The following HOGA1 variants were observed in gnomAD, a reference collection of about 807,000 sequenced individuals.
The protein encoded by HOGA1 is 4-hydroxy-2-oxoglutarate aldolase, mitochondrial.
Under a neutral mutation model 34.3 loss-of-function variants are expected in HOGA1, and 30 were observed. The ratio of observed to expected loss-of-function variants is 0.87; its 90% CI spans 0.65 to 1.19. The LOEUF (loss-of-function observed/expected upper bound fraction) is 1.19, where lower values mean the gene tolerates loss of function less well. Among genes scored for constraint, HOGA1 ranks in the 50% most tolerant of loss-of-function variants. The pLI is 0.00. For missense variants in HOGA1, 417 were observed against 436.5 expected, an observed-to-expected ratio of 0.96 and a Z score of 0.40; for synonymous variants, 161 against 174.0, an observed-to-expected ratio of 0.93 and a Z score of 0.59.
intron 6 of HOGA1, among the ~76,000 whole-genome samples, chr10:97,609,999 C>T (rs962921155): frequency 6.6e-6 from 1 of 152,186 alleles, no homozygotes; most frequent in African/African-American, 2.4e-5. Flanking sequence ...TTATTTTTAT[C>T]CTCCTAAGGT....
intron 5 of HOGA1, 82 bp from the exon 6 acceptor site, chr10:97,601,775 G>T: frequency 1.3e-6 from 2 of 1,531,310 alleles, no homozygotes; most frequent in Non-Finnish European, 9.0e-7. Context: ...ATGTCCCCAG[G>T]CTGAAGAGGT....
At chr10:97,585,302 C>T (rs1178587040) in intron 1 of HOGA1, among the ~76,000 whole-genome samples, 1 of 152,152 alleles carries the variant, frequency 6.6e-6, no homozygotes, top group Admixed American at 6.5e-5. Context: ...TCCCAGTTCC[C>T]TCCAAAGTTT....
intron 1 of HOGA1, chr10:97,590,044 C>G (rs377684189): frequency 6.2e-7 from 1 of 1,614,150 alleles, no homozygotes; most frequent in Admixed American, 1.7e-5. Flanking sequence ...AGCTGGCCCT[C>G]GACAACAATG....
chr10:97,604,366 G>A (rs1288408745), intron 6 of HOGA1, among the ~76,000 whole-genome samples: 2 of 152,094 alleles, frequency 1.3e-5, no homozygotes, highest in African/African-American at 4.8e-5. Context: ...CCCTGTCACC[G>A]GGGATGAGTG....
intron 6 of HOGA1, among the ~76,000 whole-genome samples, chr10:97,611,052 G>C (rs4919120): frequency 0.7 from 106,235 of 152,040 alleles, 37,573 homozygotes; most frequent in African/African-American, 0.8. Flanking sequence ...AGGGCAGCCA[G>C]ATGCAAGGGG....
intron 1 of HOGA1, chr10:97,590,183 A>C (rs772854255): frequency 2.5e-6 from 4 of 1,613,958 alleles, no homozygotes; most frequent in Non-Finnish European, 3.4e-6. Flanking sequence ...ATCCTTCACC[A>C]GCAGGCAGAA....
chr10:97,604,590 G>A (rs1276147117), intron 6 of HOGA1, among the ~76,000 whole-genome samples: 1 of 151,898 alleles, frequency 6.6e-6, no homozygotes, highest in Non-Finnish European at 1.5e-5. Context: ...CAAAGTGCTG[G>A]GATTACAGGC....
intron 1 of HOGA1, among the ~76,000 whole-genome samples, chr10:97,598,510 T>G (rs1249646660): frequency 1.3e-5 from 2 of 152,188 alleles, no homozygotes; most frequent in African/African-American, 4.8e-5. Flanking sequence ...ATAACCTTAT[T>G]ACATAAGGAT....
chr10:97,592,537 G>C (rs183326297), intron 1 of HOGA1, among the ~76,000 whole-genome samples: 1 of 151,296 alleles, frequency 6.6e-6, no homozygotes, highest in East Asian at 2.0e-4. Context: ...ACCGTGCCCA[G>C]CCAGAAAATC....
At chr10:97,585,818 T>C (rs748063932) in intron 1 of HOGA1, among the ~76,000 whole-genome samples, 6 of 152,232 alleles carry the variant, frequency 3.9e-5, no homozygotes, top group African/African-American at 7.2e-5. Flanking sequence ...GTGGCTGCTA[T>C]TGAGGCAGTA....
intron 6 of HOGA1, among the ~76,000 whole-genome samples, chr10:97,606,229 G>C (rs1476233496): frequency 6.6e-6 from 1 of 151,516 alleles, no homozygotes; most frequent in Non-Finnish European, 1.5e-5. Context: ...TGAACTCGGA[G>C]GGCAGAGGTT....
intron 6 of HOGA1, among the ~76,000 whole-genome samples, chr10:97,606,863 C>T (rs567404256): frequency 6.6e-6 from 1 of 152,258 alleles, no homozygotes; most frequent in Non-Finnish European, 1.5e-5. Context: ...ACTATATTGT[C>T]CTCCAGTCCT....
At position 97,601,856 on chromosome 10, in the gene HOGA1, G is replaced by A; in HGVS notation, c.701-1G>A. Reference sequence around the variant, plus strand: ...GATGTTCTGCGTCTTACTTCGTGCAGGAGCTGTGGGGGGCGTCTGCGCCCT... The same window carrying A: ...GATGTTCTGCGTCTTACTTCGTGCAAGAGCTGTGGGGGGCGTCTGCGCCCT... On this transcript the variant is annotated splice_acceptor_variant, in intron 5 of 6. Transcript: ENST00000370646. LOFTEE classifies it high-confidence loss of function. 1 of 1,612,210 alleles carries A rather than the reference G, an allele frequency of 6.2e-7. No individual in the cohort carries two copies.
intron 6 of HOGA1, among the ~76,000 whole-genome samples, chr10:97,606,284 G>A (rs1307432146): frequency 6.6e-6 from 1 of 151,570 alleles, no homozygotes; most frequent in Non-Finnish European, 1.5e-5. Context: ...CTGGGAGACA[G>A]TGAGACTCCA....
chr10:97,599,452 A>G, intron 3 of HOGA1: 2 of 723,948 alleles, frequency 2.8e-6, no homozygotes, highest in Non-Finnish European at 4.7e-6. Flanking sequence ...TGAGCATTAA[A>G]TGAGATCAGG....
chr10:97,592,645 C>A (rs943776052), intron 1 of HOGA1, among the ~76,000 whole-genome samples: 14 of 151,972 alleles, frequency 9.2e-5, no homozygotes, highest in African/African-American at 3.4e-4. Context: ...GAGTGTGTGT[C>A]AAAGTTTGAT....
At chr10:97,601,211 C>T (rs1206717779) in intron 5 of HOGA1, among the ~76,000 whole-genome samples, 1 of 152,128 alleles carries the variant, frequency 6.6e-6, no homozygotes, top group East Asian at 1.9e-4. Context: ...GGCCACTGTG[C>T]CTAGGGTTCC....
intron 5 of HOGA1, chr10:97,600,830 C>G (rs1373240055): frequency 6.5e-6 from 1 of 154,234 alleles, no homozygotes; most frequent in Admixed American, 6.4e-5. Context: ...TCTGGTCCCT[C>G]CAGACTTTGG....
intron 6 of HOGA1, chr10:97,602,265 G>A (rs2041125079): frequency 7.0e-7 from 1 of 1,422,792 alleles, no homozygotes; most frequent in Non-Finnish European, 9.3e-7. Flanking sequence ...AAGATGCATT[G>A]AAACAAACAT....
Sources: allele counts gnomAD v4.1 joint callset (sites outside exome capture counted in the v4.1 genomes callset), GRCh38; gene constraint gnomAD v4.1.1; transcripts MANE v1.5; gene names NCBI Gene and HGNC (gene_info 2026-07-23, HGNC 2026-07-21).